LMO7: variants seen among roughly 807,000 people sequenced by gnomAD.
LMO7 encodes LIM domain only protein 7.
In LMO7, 120 loss-of-function variants were observed where a neutral mutation model predicts 206.5. That is an observed-to-expected ratio of 0.58 (90% CI 0.50 to 0.68). The LOEUF is 0.68. Among genes scored for constraint, LMO7 ranks in the 30% least tolerant of loss-of-function variants. LMO7 has a pLI of 0.00. For synonymous variants in LMO7, 706 were observed against 681.5 expected (o/e 1.04, Z -0.56); for missense variants, 1,959 against 1,957.9 (o/e 1.00, Z -0.01).
At chr13:75,643,496 C>A (rs2036745631) in intron 1 of LMO7, among the ~76,000 whole-genome samples, 1 of 152,102 alleles carries the variant, frequency 6.6e-6, no homozygotes, top group East Asian at 1.9e-4. Flanking sequence ...TGTTTTGTGT[C>A]CAATAAAAAG....
At chr13:75,852,232 A>G (rs2060555295) in intron 27 of LMO7, among the ~76,000 whole-genome samples, 1 of 152,164 alleles carries the variant, frequency 6.6e-6, no homozygotes, top group African/African-American at 2.4e-5. Context: ...AGCACTGAGT[A>G]AATAAAAATA....
chr13:75,696,354 C>CA (rs529103967), intron 1 of LMO7, among the ~76,000 whole-genome samples: 1 of 145,088 alleles, frequency 6.9e-6, no homozygotes, highest in South Asian at 2.3e-4. Flanking sequence ...GACTCCATCT[C>CA]AAAAAAACAA....
rs2088705174 is a variant in LMO7 at position 75,842,832 on chromosome 13, A to G, written c.4032-19A>G. 2 of 1,531,710 alleles carry G rather than the reference A, an allele frequency of 1.3e-6. No individual in the cohort carries two copies. The highest frequency in any genetic ancestry group is 9.0e-7 in the Non-Finnish European group (1 of 1,108,358). The allele number at this position is 1,531,710 out of a possible 1,614,324, so 94.9% of individuals were successfully genotyped here. A position where few individuals can be genotyped will look rare whatever the true frequency, so the allele number is the denominator to read the frequency against. Reference sequence around the variant, plus strand: ...TAAAGTCTAATATTTTGACAACAAAATCTTTTTCTATCTTTTAGGCCTGTT... The same window carrying G: ...TAAAGTCTAATATTTTGACAACAAAGTCTTTTTCTATCTTTTAGGCCTGTT... On this transcript the variant is annotated intron_variant, in intron 24 of 30. Coordinates refer to ENST00000377534, the MANE Select transcript of LMO7 (RefSeq NM_001306080.2).
At chr13:75,669,819 C>A (rs2039393987) in intron 1 of LMO7, among the ~76,000 whole-genome samples, 1 of 152,106 alleles carries the variant, frequency 6.6e-6, no homozygotes, top group Admixed American at 6.5e-5. Context: ...CCTATAGCAG[C>A]TTTTATTGTT....
At chr13:75,805,871 T>C (rs1048562230) in intron 9 of LMO7, 111 bp downstream of exon 9, 1 of 1,210,170 alleles carries the variant, frequency 8.3e-7, no homozygotes, top group Non-Finnish European at 1.2e-6. Flanking sequence ...GTCTAATTAG[T>C]TCTCTAGTAT....
intron 1 of LMO7, among the ~76,000 whole-genome samples, chr13:75,663,408 T>TTTTCTTTCTTTCTTTCTTTCTTTCTTTC (rs61405381): frequency 5.2e-4 from 61 of 116,272 alleles, no homozygotes; most frequent in East Asian, 5.2e-3. Flanking sequence ...GTGAATTCTT[T>TTTTCTTTCTTTCTTTCTTTCTTTCTTTC]TTTCTTTCTT....
upstream of LMO7, chr13:75,636,308 G>T (rs921780426): frequency 9.2e-7 from 1 of 1,087,572 alleles, no homozygotes; most frequent in Non-Finnish European, 1.1e-6. Flanking sequence ...GGACGGCGGC[G>T]GCGCTGCGAC....
At chr13:75,663,408 T>TTTTCTTTCTTTC (rs61405381) in intron 1 of LMO7, among the ~76,000 whole-genome samples, 19,513 of 113,878 alleles carry the variant, frequency 0.17, 2,304 homozygotes, top group Middle Eastern at 0.27. Flanking sequence ...GTGAATTCTT[T>TTTTCTTTCTTTC]TTTCTTTCTT....
intron 28 of LMO7, among the ~76,000 whole-genome samples, chr13:75,853,884 G>A (rs1177369237): frequency 6.6e-6 from 1 of 152,190 alleles, no homozygotes; most frequent in Non-Finnish European, 1.5e-5. Context: ...CTGACTAGCT[G>A]GATTAAAGAA....
intron 2 of LMO7, among the ~76,000 whole-genome samples, chr13:75,624,885 A>G (rs1399122589): frequency 6.6e-6 from 1 of 150,512 alleles, no homozygotes; most frequent in Non-Finnish European, 1.5e-5. Context: ...CCATATCAAC[A>G]CTCTTAGACA....
intron 4 of LMO7, among the ~76,000 whole-genome samples, chr13:75,776,323 A>G (rs2050493256): frequency 6.6e-6 from 1 of 150,416 alleles, no homozygotes. Flanking sequence ...CAACATTTGA[A>G]CTTCTGTATA....
At chr13:75,677,818 G>T (rs1393147073) in intron 1 of LMO7, among the ~76,000 whole-genome samples, 11 of 123,410 alleles carry the variant, frequency 8.9e-5, no homozygotes, top group African/African-American at 3.5e-4. Context: ...ACAGTCCCCG[G>T]TGTGTGATGT....
intron 1 of LMO7, among the ~76,000 whole-genome samples, chr13:75,639,519 A>G (rs1467992587): frequency 1.3e-5 from 2 of 152,230 alleles, no homozygotes; most frequent in Non-Finnish European, 2.9e-5. Flanking sequence ...AGGCAAAGGC[A>G]GAGGAGAAGC....
At chr13:75,723,303 G>A (rs1388723270) in intron 2 of LMO7, among the ~76,000 whole-genome samples, 1 of 152,136 alleles carries the variant, frequency 6.6e-6, no homozygotes, top group Non-Finnish European at 1.5e-5. Context: ...ATGTGAGGAT[G>A]TATATTTAGA....
At chr13:75,666,728 T>C (rs2039101397) in intron 1 of LMO7, among the ~76,000 whole-genome samples, 1 of 152,276 alleles carries the variant, frequency 6.6e-6, no homozygotes, top group Admixed American at 6.5e-5. Context: ...GAGAATTCTC[T>C]TGTAAAAAGT....
chr13:75,634,395 G>A (rs368989011), upstream of LMO7, among the ~76,000 whole-genome samples: 26 of 151,758 alleles, frequency 1.7e-4, no homozygotes, highest in African/African-American at 2.7e-4. Context: ...CTATGATGGC[G>A]CAACTGCACT....
rs904565451 is a variant in LMO7 at position 75,698,114 on chromosome 13, C to T, written c.70-15068C>T. ...TAAATGTACCTGAGAAAACCTTGTCCTGTGGAATTATTTATATATAATGCA... is the reference window on the plus strand; with the variant it reads ...TAAATGTACCTGAGAAAACCTTGTCTTGTGGAATTATTTATATATAATGCA... On this transcript the variant is annotated intron_variant, in intron 1 of 30. Coordinates refer to ENST00000377534, the MANE Select transcript of LMO7 (RefSeq NM_001306080.2). Among the ~76,000 whole-genome samples, 55 of 152,120 alleles carry T rather than the reference C, an allele frequency of 3.6e-4. No individual in the cohort carries two copies. The East Asian group carries it at 0.01, about 28-fold the overall frequency.
intron 4 of LMO7, among the ~76,000 whole-genome samples, chr13:75,763,478 T>A (rs1220056042): frequency 3.3e-5 from 5 of 152,214 alleles, no homozygotes; most frequent in African/African-American, 1.2e-4. Context: ...TGTGTTAGTA[T>A]GTTTATTGTC....
chr13:75,760,991 TTTC>T lies in LMO7; in HGVS notation c.271_273del (p.Phe91del). The T allele has an allele frequency of 6.2e-7, 1 of 1,613,424 alleles. No homozygotes were observed. The highest frequency in any genetic ancestry group is 1.1e-5 in the South Asian group (1 of 91,044). On this transcript the variant is annotated inframe_deletion, in exon 4 of 31. Coordinates refer to ENST00000377534, the MANE Select transcript of LMO7 (RefSeq NM_001306080.2). Reference sequence around the variant, plus strand: ...AGATTGGATTGAAAGAAGCCCAGCTTTTCCATCCTGGAGATCTACAGGATTTAT... The same window carrying T: ...AGATTGGATTGAAAGAAGCCCAGCTTCATCCTGGAGATCTACAGGATTTAT...
Sources: allele counts gnomAD v4.1 joint callset (sites outside exome capture counted in the v4.1 genomes callset), GRCh38; gene constraint gnomAD v4.1.1; transcripts MANE v1.5; gene names NCBI Gene and HGNC (gene_info 2026-07-23, HGNC 2026-07-21).